The following CSMD1 variants were observed in gnomAD, a reference collection of about 807,000 sequenced individuals.
The protein encoded by CSMD1 is CUB and Sushi multiple domains 1.
Under a neutral mutation model 417.5 loss-of-function variants are expected in CSMD1, and 213 were observed. The ratio of observed to expected loss-of-function variants is 0.51; its 90% CI spans 0.46 to 0.57. The LOEUF (loss-of-function observed/expected upper bound fraction) is 0.57, where lower values mean the gene tolerates loss of function less well. Among genes scored for constraint, CSMD1 ranks in the 20% least tolerant of loss-of-function variants. The pLI, the probability that CSMD1 is intolerant of heterozygous loss-of-function variation, is 0.00. For missense variants in CSMD1, 6,923 were observed against 4,529.7 expected (o/e 1.53, Z -15.17); for synonymous variants, 2,862 against 1,736.8 (o/e 1.65, Z -16.11).
chr8:4,927,182 G>C (rs1379012778), intron 1 of CSMD1, among the ~76,000 whole-genome samples: 4 of 150,968 alleles, frequency 2.6e-5, no homozygotes, highest in Non-Finnish European at 5.9e-5. Flanking sequence ...TCTCAGCTCA[G>C]GGCAATCTCC....
intron 1 of CSMD1, among the ~76,000 whole-genome samples, chr8:4,868,974 AAATAG>A (rs1421386514): frequency 9.2e-5 from 14 of 151,754 alleles, no homozygotes; most frequent in African/African-American, 2.7e-4. Context: ...AGAGACATAC[AAATAG>A]AATAGATGAT....
At position 3,359,240 on chromosome 8, in the gene CSMD1, G is replaced by A. The variant is rs1056915965; in HGVS notation, c.3216C>T (p.Phe1072=). Reference sequence around the variant, plus strand: ...TGGCACCTTCTAAACGATATCCCAGGAAGCAGGAAAACGTCAGAGAGTCTC... The same window carrying A: ...TGGCACCTTCTAAACGATATCCCAGAAAGCAGGAAAACGTCAGAGAGTCTC... ...GVGDSLTFSC[F]LGYRLEGATK... is the part of the protein sequence containing the mutation. Residue 1072 remains phenylalanine (F), a synonymous_variant, in exon 21 of 70, where the codon TTC becomes TTT. Transcript: ENST00000635120. 1.2e-6 allele frequency: 2 copies of A among 1,613,840 alleles called. No individual in the cohort carries two copies. Among genetic ancestry groups the A allele is most frequent in the African/African-American group, 1.3e-5 (1 of 74,994 alleles).
Position 3,154,387 on chromosome 8 carries a change from C to T in CSMD1, c.5915-2874G>A, listed in dbSNP as rs1211388103. The stretch of plus-strand genomic sequence containing the variant: ...TCCTGCCTCCTGCCTGGGAAGCTCC[C>T]TCCATGCCAGACCCTTTCTTATAGG... On this transcript the variant is annotated intron_variant, in intron 39 of 69. Transcript: ENST00000635120. Among the ~76,000 whole-genome samples the T allele has an allele frequency of 2.0e-5, 3 of 152,204 alleles. No homozygotes were observed. In the East Asian group the frequency reaches 5.8e-4, roughly 29 times the overall value.
intron 46 of CSMD1, among the ~76,000 whole-genome samples, chr8:3,104,205 C>G (rs2129013711): frequency 6.6e-6 from 1 of 152,280 alleles, no homozygotes; most frequent in East Asian, 1.9e-4. Context: ...TGCCTGGGTT[C>G]ATTTCCATAT....
rs1482665396 is a variant in CSMD1, at chr8:3,660,652, C to T, written c.1010-43855G>A. Among the ~76,000 whole-genome samples the T allele has an allele frequency of 2.6e-5, 4 of 151,620 alleles. No homozygotes were observed. The South Asian group carries it at 8.4e-4, about 32-fold the overall frequency. On this transcript the variant is annotated intron_variant, in intron 7 of 69. Coordinates refer to ENST00000635120, the MANE Select transcript of CSMD1 (RefSeq NM_033225.6). Reference sequence around the variant, plus strand: ...TCTCCTACCTCAGCCTCCTGAGTAGCTGGGATTACAGGGTCCCTCCACCAC... The same window carrying T: ...TCTCCTACCTCAGCCTCCTGAGTAGTTGGGATTACAGGGTCCCTCCACCAC...
intron 3 of CSMD1, among the ~76,000 whole-genome samples, chr8:4,086,133 A>G (rs1190080662): frequency 6.6e-6 from 1 of 152,184 alleles, no homozygotes; most frequent in Non-Finnish European, 1.5e-5. Context: ...TGTTATTGCT[A>G]CATTTAAGTT....
intron 2 of CSMD1, among the ~76,000 whole-genome samples, chr8:4,443,141 T>A (rs541785262): frequency 6.6e-6 from 1 of 152,176 alleles, no homozygotes; most frequent in South Asian, 2.1e-4. Flanking sequence ...ATAGCAACAG[T>A]ATCTTATTCC....
At chr8:4,078,347 C>T (rs553948488) in intron 3 of CSMD1, among the ~76,000 whole-genome samples, 2 of 127,658 alleles carry the variant, frequency 1.6e-5, no homozygotes, top group African/African-American at 6.3e-5. Flanking sequence ...GGGAGTCTTG[C>T]TCTGTGTCGC....
intron 49 of CSMD1, among the ~76,000 whole-genome samples, chr8:3,060,766 A>T (rs1165625212): frequency 6.6e-6 from 1 of 152,196 alleles, no homozygotes; most frequent in East Asian, 1.9e-4. Flanking sequence ...GGGGCATTTA[A>T]AAGGTGATCA....
intron 5 of CSMD1, among the ~76,000 whole-genome samples, chr8:3,763,189 C>A (rs1293241921): frequency 6.6e-6 from 1 of 152,162 alleles, no homozygotes; most frequent in Non-Finnish European, 1.5e-5. Flanking sequence ...CTAGGCCAGT[C>A]CCACATCATA....
At chr8:4,638,636 T>C (rs1802994117) in intron 1 of CSMD1, among the ~76,000 whole-genome samples, 1 of 152,072 alleles carries the variant, frequency 6.6e-6, no homozygotes. Context: ...CAAAGAGCAG[T>C]AAGTAAGCAG....
intron 54 of CSMD1, among the ~76,000 whole-genome samples, chr8:2,987,627 C>G (rs906463583): frequency 6.6e-6 from 1 of 152,156 alleles, no homozygotes; most frequent in African/African-American, 2.4e-5. Flanking sequence ...GAGAAATGAA[C>G]ACATGACTTT....
At chr8:4,725,497 C>A (rs1210900544) in intron 1 of CSMD1, among the ~76,000 whole-genome samples, 2 of 152,166 alleles carry the variant, frequency 1.3e-5, no homozygotes, top group Non-Finnish European at 2.9e-5. Context: ...GTGAGCTCCA[C>A]AAGGGCATAT....
chr8:4,962,958 C>T (rs567560775), intron 1 of CSMD1, among the ~76,000 whole-genome samples: 3 of 152,170 alleles, frequency 2.0e-5, no homozygotes, highest in South Asian at 4.2e-4. Context: ...CATGGGTTGG[C>T]GCTGGGAAAA....
chr8:4,000,018 C>G (rs1023651133), intron 4 of CSMD1, among the ~76,000 whole-genome samples: 1 of 152,218 alleles, frequency 6.6e-6, no homozygotes, highest in African/African-American at 2.4e-5. Context: ...TAAAACCAAA[C>G]ACGAATAAAA....
intron 54 of CSMD1, among the ~76,000 whole-genome samples, chr8:2,992,341 T>G (rs1806469602): frequency 6.6e-6 from 1 of 152,184 alleles, no homozygotes; most frequent in Non-Finnish European, 1.5e-5. Context: ...AGGTGATGGT[T>G]GCACAACATG....
intron 2 of CSMD1, among the ~76,000 whole-genome samples, chr8:4,466,695 A>C (rs1485915873): frequency 6.6e-6 from 1 of 152,208 alleles, no homozygotes; most frequent in Non-Finnish European, 1.5e-5. Context: ...CTCCAGTCCC[A>C]GCTTTTTAAA....
intron 3 of CSMD1, among the ~76,000 whole-genome samples, chr8:4,061,198 C>G (rs1405540630): frequency 6.6e-6 from 1 of 152,124 alleles, no homozygotes; most frequent in Non-Finnish European, 1.5e-5. Flanking sequence ...TAACATGAGC[C>G]CTTTTAGGAA....
At chr8:4,927,176 A>T (rs886259188) in intron 1 of CSMD1, among the ~76,000 whole-genome samples, 1 of 151,150 alleles carries the variant, frequency 6.6e-6, no homozygotes, top group Non-Finnish European at 1.5e-5. Context: ...GCACAATCTC[A>T]GCTCAGGGCA....
Sources: gnomAD v4.1 joint callset for allele counts (sites outside exome capture counted in the v4.1 genomes callset) on GRCh38, gnomAD v4.1.1 for gene constraint, MANE v1.5 for transcripts, NCBI Gene and HGNC (gene_info 2026-07-23, HGNC 2026-07-21) for gene names.